FAM169A: variants seen among roughly 807,000 people sequenced by gnomAD.
The protein encoded by FAM169A is soluble lamin-associated protein of 75 kDa.
In FAM169A, 24 loss-of-function variants were observed where a neutral mutation model predicts 75.7. The ratio of observed to expected loss-of-function variants is 0.32; its 90% CI spans 0.23 to 0.45. The LOEUF (loss-of-function observed/expected upper bound fraction) is 0.45, where lower values mean the gene tolerates loss of function less well. Among genes scored for constraint, FAM169A ranks in the 20% least tolerant of loss-of-function variants. The probability of loss-of-function intolerance (pLI) is 1.00; values close to 1 mark genes in which losing one functional copy is unlikely to be tolerated. For missense variants in FAM169A, 673 were observed against 784.0 expected (o/e 0.86, Z 1.69); for synonymous variants, 271 against 271.0 (o/e 1.00, Z 0.00).
At chr5:74,863,499 TTA>T (rs1750146711) in intron 1 of FAM169A, among the ~76,000 whole-genome samples, 1 of 152,184 alleles carries the variant, frequency 6.6e-6, no homozygotes, top group Non-Finnish European at 1.5e-5. Context: ...CAACAATCCT[TTA>T]TACAGAATCC....
At chr5:74,807,448 A>G (rs1041407761) in intron 6 of FAM169A, among the ~76,000 whole-genome samples, 1 of 152,224 alleles carries the variant, frequency 6.6e-6, no homozygotes, top group African/African-American at 2.4e-5. Flanking sequence ...AGAGTATCAT[A>G]CCACATATCA....
intron 5 of FAM169A, among the ~76,000 whole-genome samples, chr5:74,828,992 A>AC (rs1419355199): frequency 6.6e-6 from 1 of 152,246 alleles, no homozygotes; most frequent in African/African-American, 2.4e-5. Flanking sequence ...TTGCAAGAGT[A>AC]CATGTATGAC....
chr5:74,849,222 C>A (rs1019746455), intron 1 of FAM169A, among the ~76,000 whole-genome samples: 1 of 152,028 alleles, frequency 6.6e-6, no homozygotes, highest in South Asian at 2.1e-4. Context: ...TTAATAATTC[C>A]TTTTTCCCAA....
intron 6 of FAM169A, among the ~76,000 whole-genome samples, chr5:74,812,920 T>G (rs1220043535): frequency 4.6e-5 from 7 of 152,184 alleles, no homozygotes; most frequent in Non-Finnish European, 1.0e-4. Flanking sequence ...CTTATGGGAA[T>G]GTAAAATGCA....
intron 1 of FAM169A, among the ~76,000 whole-genome samples, chr5:74,841,962 T>C (rs1322436970): frequency 6.6e-6 from 1 of 152,124 alleles, no homozygotes; most frequent in Non-Finnish European, 1.5e-5. Context: ...GACATATTTA[T>C]ATGTACATAC....
chr5:74,816,723 C>G (rs774781605), intron 5 of FAM169A, among the ~76,000 whole-genome samples: 1 of 152,162 alleles, frequency 6.6e-6, no homozygotes, highest in East Asian at 1.9e-4. Context: ...AACCTGCTGT[C>G]TTAGGTAAAG....
intron 1 of FAM169A, among the ~76,000 whole-genome samples, chr5:74,860,425 A>G (rs1257406187): frequency 6.6e-6 from 1 of 152,214 alleles, no homozygotes; most frequent in Non-Finnish European, 1.5e-5. Context: ...TTATCACTAT[A>G]TTAATACTCC....
At chr5:74,838,335 T>C (rs1356283098) in intron 4 of FAM169A, among the ~76,000 whole-genome samples, 5 of 152,170 alleles carry the variant, frequency 3.3e-5, no homozygotes, top group African/African-American at 4.8e-5. Context: ...AGATTTCATC[T>C]TTTTTTATTA....
Position 74,861,127 on chromosome 5 carries a change from C to T in FAM169A, c.-4+5038G>A, listed in dbSNP as rs549339253. On this transcript the variant is annotated intron_variant, in intron 1 of 12. Coordinates refer to ENST00000687041, the MANE Select transcript of FAM169A (RefSeq NM_001376049.1). Reference sequence around the variant, plus strand: ...CTCCATCCTGGGTGACAGAGTGAGGCTCCTTTTCAAAAATAAAAACAGTCT... The same window carrying T: ...CTCCATCCTGGGTGACAGAGTGAGGTTCCTTTTCAAAAATAAAAACAGTCT... Among the ~76,000 whole-genome samples, 148 of 152,314 alleles carry T rather than the reference C, an allele frequency of 9.7e-4. 1 individual carries two copies. Among genetic ancestry groups the T allele is most frequent in the African/African-American group, 3.4e-3 (141 of 41,574 alleles).
Position 74,805,522 on chromosome 5 carries a change from C to G in FAM169A, c.671-238G>C, listed in dbSNP as rs373361463. On this transcript the variant is annotated intron_variant, in intron 6 of 12. Coordinates refer to ENST00000687041, the MANE Select transcript of FAM169A (RefSeq NM_001376049.1). ...ATAAAAATCCTTTAAAAATGTGCTT[C>G]GCTTTTTTTTTTTTTTTTTTTTTTT... Among the ~76,000 whole-genome samples, 447 of 119,366 alleles carry G rather than the reference C, an allele frequency of 3.7e-3. 2 individuals carry two copies. Among genetic ancestry groups the G allele is most frequent in the African/African-American group, 0.016 (432 of 27,610 alleles). The allele number at this position is 119,366 out of a possible 152,430, so 78.3% of individuals were successfully genotyped here. A position where few individuals can be genotyped will look rare whatever the true frequency, so the allele number is the denominator to read the frequency against.
intron 5 of FAM169A, among the ~76,000 whole-genome samples, chr5:74,825,142 T>C (rs1747958914): frequency 6.6e-6 from 1 of 152,166 alleles, no homozygotes; most frequent in Non-Finnish European, 1.5e-5. Flanking sequence ...TTACTATCTC[T>C]CTCATCCTCC....
At chr5:74,863,841 A>C (rs1360300096) in intron 1 of FAM169A, among the ~76,000 whole-genome samples, 2 of 152,170 alleles carry the variant, frequency 1.3e-5, no homozygotes, top group Non-Finnish European at 2.9e-5. Context: ...GTAAAAGTTT[A>C]AGAGTTGTGT....
At chr5:74,784,848 G>A (rs1039027038) in intron 11 of FAM169A, among the ~76,000 whole-genome samples, 1 of 149,692 alleles carries the variant, frequency 6.7e-6, no homozygotes, top group Non-Finnish European at 1.5e-5. Flanking sequence ...GAACCCGGGA[G>A]GCGGAGTTTG....
chr5:74,859,820 C>A (rs562747096), intron 1 of FAM169A, among the ~76,000 whole-genome samples: 2 of 151,808 alleles, frequency 1.3e-5, no homozygotes, highest in South Asian at 2.1e-4. Flanking sequence ...GAGATCAAGA[C>A]CAGCCTGGGC....
chr5:74,860,168 C>T (rs1475254262), intron 1 of FAM169A, among the ~76,000 whole-genome samples: 2 of 152,148 alleles, frequency 1.3e-5, no homozygotes, highest in African/African-American at 2.4e-5. Flanking sequence ...CAAACCTATG[C>T]CTATGGGCTT....
In FAM169A at chr5:74,805,277, C is replaced by A. The variant is rs747269376; in HGVS notation, c.678G>T (p.Lys226Asn). The change falls in exon 7 of 13, where the codon AAG (lysine) becomes AAT (asparagine). Residue 226 changes from lysine to asparagine, a missense_variant. Physicochemically the swap from Lys to Asn is moderately conservative, Grantham distance 94 (BLOSUM62 0). Around this residue, in one of 3 missense-constraint regions of FAM169A, gnomAD observed 510 missense variants for 550.9 expected, o/e 0.93. Coordinates refer to ENST00000687041, the MANE Select transcript of FAM169A (RefSeq NM_001376049.1). ...CTCCTGGATACTTCTCAAAGTATTG[C>A]TTGCAAGCTGAAAAACACATTTAGA... is the stretch of plus-strand genomic sequence containing the variant. ...PLSSLMYTAC[K>N]QYFEKYPGDH... 3 of 1,609,336 alleles carry A rather than the reference C, an allele frequency of 1.9e-6. No individual in the cohort carries two copies. In the South Asian group the frequency reaches 3.3e-5, roughly 18 times the overall value.
At position 74,857,855 on chromosome 5, in the gene FAM169A, C is replaced by T. The variant is rs1749806083; in HGVS notation, c.-4+8310G>A. Among the ~76,000 whole-genome samples, 4 of 152,102 alleles carry T rather than the reference C, an allele frequency of 2.6e-5. No individual in the cohort carries two copies. In the South Asian group the frequency reaches 8.3e-4, roughly 31 times the overall value. ...TCTCTGCCCATTGTAAGTACTGTCA[C>T]AGGCACAAGAACTTCCCTTGGGTCT... On this transcript the variant is annotated intron_variant, in intron 1 of 12. Coordinates refer to ENST00000687041, the MANE Select transcript of FAM169A (RefSeq NM_001376049.1).
intron 8 of FAM169A, among the ~76,000 whole-genome samples, chr5:74,802,375 A>AT (rs1372674854): frequency 1.3e-5 from 2 of 151,726 alleles, no homozygotes; most frequent in African/African-American, 2.4e-5. Context: ...AAATTGTACC[A>AT]TTTTTTTGAT....
chr5:74,816,514 T>C (rs1160738227), intron 5 of FAM169A, among the ~76,000 whole-genome samples: 2 of 152,216 alleles, frequency 1.3e-5, no homozygotes, highest in Non-Finnish European at 2.9e-5. Context: ...TTACTTGCCA[T>C]GTACATGTTC....
Sources: allele counts gnomAD v4.1 joint callset (sites outside exome capture counted in the v4.1 genomes callset), GRCh38; gene constraint gnomAD v4.1.1; regional missense constraint gnomAD v4.1.1; transcripts MANE v1.5; gene names NCBI Gene and HGNC (gene_info 2026-07-23, HGNC 2026-07-21).